DNAH11: variants seen among roughly 807,000 people sequenced by gnomAD.
DNAH11 encodes the protein dynein axonemal heavy chain 11.
DNAH11 carries 442 observed loss-of-function variants against 526.0 expected under a neutral mutation model. The observed-to-expected ratio is 0.84, with a 90% CI of 0.78 to 0.91. DNAH11 has a LOEUF of 0.91. Among genes scored for constraint, DNAH11 ranks in the 40% least tolerant of loss-of-function variants. The pLI is 0.00. For missense variants in DNAH11, 6,989 were observed against 5,448.7 expected (o/e 1.28, Z -8.90); for synonymous variants, 2,461 against 1,935.9 (o/e 1.27, Z -7.12).
Position 21,901,228 on chromosome 7 carries a change from G to C in DNAH11, c.13525G>C (p.Gly4509Arg), listed in dbSNP as rs200188283. Residue 4509 changes from glycine (G) to arginine (R), a missense_variant, in exon 82 of 82, where the codon GGA (glycine) becomes CGA (arginine). Coordinates refer to ENST00000409508, the MANE Select transcript of DNAH11 (RefSeq NM_001277115.2). ...GAAGACTGCAAAATGGGTTCTGGCT[G>C]GAGTGGCTCTGCTTCTAGAAGCGTA... ...EEKTAKWVLA[G>R]VALLLEA is the part of the protein sequence containing the mutation. The C allele has an allele frequency of 1.2e-6, 2 of 1,609,778 alleles. No individual in the cohort carries two copies. Among genetic ancestry groups the C allele is most frequent in the Non-Finnish European group, 1.7e-6 (2 of 1,178,008 alleles).
chr7:21,831,817 G>A (rs1328102132), intron 65 of DNAH11, among the ~76,000 whole-genome samples: 1 of 152,284 alleles, frequency 6.6e-6, no homozygotes, highest in African/African-American at 2.4e-5. Flanking sequence ...TTGGCCAGGC[G>A]CAGTGGCTCA....
intron 60 of DNAH11, among the ~76,000 whole-genome samples, 179 bp from the exon 61 acceptor site, chr7:21,789,062 G>A (rs1355730314): frequency 6.6e-6 from 1 of 152,104 alleles, no homozygotes; most frequent in African/African-American, 2.4e-5. Context: ...GCTGAGGTGG[G>A]AGGATCCTTT....
intron 69 of DNAH11, among the ~76,000 whole-genome samples, chr7:21,863,637 T>G (rs1305500634): frequency 2.6e-5 from 4 of 152,150 alleles, no homozygotes; most frequent in Non-Finnish European, 5.9e-5. Flanking sequence ...TACTGCTCAT[T>G]AATAGAAAAA....
At chr7:21,894,586 A>G in intron 77 of DNAH11, 37 bp from the exon 78 acceptor site, 1 of 1,600,372 alleles carries the variant, frequency 6.2e-7, no homozygotes, top group Admixed American at 1.7e-5. Flanking sequence ...GAAAACTGAA[A>G]TAGAAAGGAG....
chr7:21,673,521 G>A (rs1408488205), intron 30 of DNAH11, among the ~76,000 whole-genome samples: 3 of 152,132 alleles, frequency 2.0e-5, no homozygotes, highest in Non-Finnish European at 4.4e-5. Context: ...CCAGCTAGGA[G>A]GGAAGGGTGA....
At position 21,674,726 on chromosome 7, in the gene DNAH11, A is replaced by T. The variant is rs545930897; in HGVS notation, c.5329-6820A>T. ...TGCTCAGTTTCCTTTGCTCCAGTCT[A>T]CATCTCTCTCCTGAAGCACAGCCAG... On this transcript the variant is annotated intron_variant, in intron 30 of 81. Coordinates refer to ENST00000409508, the MANE Select transcript of DNAH11 (RefSeq NM_001277115.2). Among the ~76,000 whole-genome samples, 37 of 151,962 alleles carry T rather than the reference A, an allele frequency of 2.4e-4. No homozygotes were observed. The Middle Eastern group carries it at 0.014, about 56-fold the overall frequency.
chr7:21,801,861 G>A (rs565715100), intron 62 of DNAH11, among the ~76,000 whole-genome samples: 1 of 152,168 alleles, frequency 6.6e-6, no homozygotes, highest in Non-Finnish European at 1.5e-5. Context: ...ACATGCTAAT[G>A]TTAATAGTTA....
chr7:21,883,248 T>C (rs1783992485), intron 75 of DNAH11, among the ~76,000 whole-genome samples: 1 of 152,252 alleles, frequency 6.6e-6, no homozygotes, highest in Non-Finnish European at 1.5e-5. Flanking sequence ...ACTTAAACTG[T>C]TGGGAGGCAG....
At chr7:21,676,173 C>G (rs1033688062) in intron 30 of DNAH11, among the ~76,000 whole-genome samples, 1 of 152,156 alleles carries the variant, frequency 6.6e-6, no homozygotes, top group Non-Finnish European at 1.5e-5. Flanking sequence ...ATTTCTAGTT[C>G]AAGATACATG....
chr7:21,568,506 G>C (rs1190372145), intron 6 of DNAH11, among the ~76,000 whole-genome samples: 1 of 152,098 alleles, frequency 6.6e-6, no homozygotes, highest in East Asian at 1.9e-4. Context: ...CCCTGCGTCG[G>C]GTCATGCTTT....
intron 61 of DNAH11, among the ~76,000 whole-genome samples, chr7:21,794,542 AG>A (rs1349377010): frequency 6.6e-6 from 1 of 152,092 alleles, no homozygotes; most frequent in Non-Finnish European, 1.5e-5. Flanking sequence ...ATTGAGGGTA[AG>A]GGGCCCCAAG....
intron 26 of DNAH11, 41 bp from the exon 27 acceptor site, chr7:21,637,570 T>C: frequency 8.1e-7 from 1 of 1,235,816 alleles, no homozygotes; most frequent in South Asian, 1.3e-5. Context: ...TTAGAAAAGA[T>C]TGTTCTAATA....
At chr7:21,638,805 A>G (rs530573343) in intron 27 of DNAH11, 134 bp from the exon 28 acceptor site, 2 of 1,060,308 alleles carry the variant, frequency 1.9e-6, no homozygotes, top group Non-Finnish European at 2.7e-6. Context: ...GGTGTAAAAA[A>G]GAAGGAAGTA....
rs772412152 is a variant in DNAH11, at chr7:21,590,979, A to T, written c.2231A>T (p.Asp744Val). Residue 744 changes from aspartate to valine, a missense_variant, in exon 13 of 82, where the codon GAT becomes GTT. Transcript: ENST00000409508. ...ATGTTGAAGAAACAAGACATACCAG[A>T]TTCAGCTTTAGCCATCTTCAAGAAA... Reference protein sequence around the residue: ...LLMLKKQDIPDSALAIFKKRN... With the variant: ...LLMLKKQDIPVSALAIFKKRN... 6.6e-7 allele frequency: 1 copy of T among 1,521,446 alleles called. No individual in the cohort carries two copies. The highest frequency in any genetic ancestry group is 2.5e-5 in the East Asian group (1 of 39,782). 94.2% of individuals were successfully genotyped at this position (1,521,446 alleles called of 1,614,324 possible). A position where few individuals can be genotyped will look rare whatever the true frequency, so the allele number is the denominator to read the frequency against.
chr7:21,559,833 AGT>A (rs1280437100), intron 4 of DNAH11, 41 bp downstream of exon 4: 15 of 1,505,928 alleles, frequency 1.0e-5, no homozygotes, highest in Non-Finnish European at 1.3e-5. Flanking sequence ...AAATTAGCAA[AGT>A]GTCCTGAGCT....
chr7:21,671,807 A>C (rs1405196046), intron 30 of DNAH11, among the ~76,000 whole-genome samples: 1 of 152,234 alleles, frequency 6.6e-6, no homozygotes, highest in Non-Finnish European at 1.5e-5. Context: ...AACTTAAAAA[A>C]TATCTACCAG....
At chr7:21,845,591 C>A (rs544493998) in intron 66 of DNAH11, among the ~76,000 whole-genome samples, 2 of 152,094 alleles carry the variant, frequency 1.3e-5, no homozygotes, top group Non-Finnish European at 2.9e-5. Flanking sequence ...ATCTGTTTGT[C>A]TATCCTTTTA....
chr7:21,647,938 TA>T (rs1162505414), intron 28 of DNAH11, among the ~76,000 whole-genome samples: 1 of 152,036 alleles, frequency 6.6e-6, no homozygotes, highest in East Asian at 1.9e-4. Context: ...AAGATGACAC[TA>T]GATGGAAATT....
At position 21,638,959 on chromosome 7, in the gene DNAH11, C is replaced by A; in HGVS notation, c.4838C>A (p.Ala1613Asp). 1.2e-6 allele frequency: 2 copies of A among 1,611,144 alleles called. No homozygotes were observed. The highest frequency in any genetic ancestry group is 1.7e-6 in the Non-Finnish European group (2 of 1,179,068). Residue 1613 changes from alanine (A) to aspartate (D), a missense_variant, in exon 28 of 82, where the codon GCT becomes GAT. Transcript: ENST00000409508. ...TGTAGGCTTTCTCTTTGTGAAAAAG[C>A]TCTCGCTGAATACCTGGAAACCAAG... ...LQSRLSLCEKALAEYLETKRI... is the reference protein window; with the variant it reads ...LQSRLSLCEKDLAEYLETKRI...
Sources: allele counts gnomAD v4.1 joint callset (sites outside exome capture counted in the v4.1 genomes callset), GRCh38; gene constraint gnomAD v4.1.1; transcripts MANE v1.5; gene names NCBI Gene and HGNC (gene_info 2026-07-23, HGNC 2026-07-21).